The following CTIF variants were observed in gnomAD, a reference collection of about 807,000 sequenced individuals.
CTIF encodes CBP80/20-dependent translation initiation factor.
CTIF carries 21 observed loss-of-function variants against 66.0 expected under a neutral mutation model. That is an observed-to-expected ratio of 0.32 (90% CI 0.23 to 0.46). CTIF has a LOEUF of 0.46. CTIF is among the 20% of genes least tolerant of loss of function. The pLI is 1.00. For missense variants in CTIF, 739 were observed against 812.7 expected, an observed-to-expected ratio of 0.91 and a Z score of 1.10; for synonymous variants, 345 against 326.4, an observed-to-expected ratio of 1.06 and a Z score of -0.62.
intron 2 of CTIF, chr18:48,625,190 AG>A (rs1308937515): frequency 1.0e-6 from 1 of 984,286 alleles, no homozygotes; most frequent in African/African-American, 1.8e-5. Flanking sequence ...TGCTCACAGG[AG>A]GAAGTACTCA....
chr18:48,828,328 T>G (rs1279390770), intron 10 of CTIF, among the ~76,000 whole-genome samples: 1 of 152,212 alleles, frequency 6.6e-6, no homozygotes, highest in East Asian at 1.9e-4. Flanking sequence ...TTTGGGTATT[T>G]TCTCTGAAAT....
intron 7 of CTIF, among the ~76,000 whole-genome samples, chr18:48,715,682 A>G (rs1025398873): frequency 1.3e-5 from 2 of 152,212 alleles, no homozygotes; most frequent in Non-Finnish European, 2.9e-5. Context: ...TAAGAGATGA[A>G]CACATTAAGG....
chr18:48,606,430 C>A (rs896549902), intron 1 of CTIF, among the ~76,000 whole-genome samples: 7 of 152,238 alleles, frequency 4.6e-5, no homozygotes, highest in Non-Finnish European at 8.8e-5. Context: ...GGTGGTGATG[C>A]ATGCTCTGCC....
chr18:48,761,732 T>C lies in CTIF; in HGVS notation c.1371+43T>C. ...ACCACCGCCCCGCGCCCCCTGCCCC[T>C]CTGCGTTCGGTGAGTTATTCCTAGC... On this transcript the variant is annotated intron_variant, in intron 9 of 11. Transcript: ENST00000256413. This position sits in a 1 kb window ranked among gnomAD's most constrained non-coding sequence, Gnocchi z 4.2. The C allele has an allele frequency of 6.4e-7, 1 of 1,565,806 alleles. No homozygotes were observed. The highest frequency in any genetic ancestry group is 8.7e-7 in the Non-Finnish European group (1 of 1,148,696).
chr18:48,780,749 G>T (rs926350078), intron 9 of CTIF, among the ~76,000 whole-genome samples: 1 of 152,256 alleles, frequency 6.6e-6, no homozygotes, highest in African/African-American at 2.4e-5. Flanking sequence ...TGGGGAGCCA[G>T]TGGAATAAGG....
intron 1 of CTIF, among the ~76,000 whole-genome samples, chr18:48,584,177 G>T (rs758571289): frequency 2.6e-5 from 4 of 152,066 alleles, no homozygotes; most frequent in African/African-American, 4.8e-5. Context: ...CTCTAGGATG[G>T]ATATTTTTGA....
chr18:48,625,131 C>T (rs1244227580), intron 2 of CTIF: 8 of 739,540 alleles, frequency 1.1e-5, no homozygotes, highest in Admixed American at 6.3e-5. Context: ...TTCTAAAATC[C>T]CATCTCTTCA....
chr18:48,769,345 C>T (rs763187629), intron 9 of CTIF, among the ~76,000 whole-genome samples: 2 of 152,248 alleles, frequency 1.3e-5, no homozygotes, highest in Admixed American at 6.5e-5. Context: ...AAGCAAAGGG[C>T]CAGAGGCAGT....
chr18:48,820,433 G>A (rs1318998940), intron 10 of CTIF, among the ~76,000 whole-genome samples: 1 of 152,100 alleles, frequency 6.6e-6, no homozygotes, highest in Non-Finnish European at 1.5e-5. Flanking sequence ...TCCCCCTGGG[G>A]CCATGTAGAT....
At chr18:48,700,277 T>A (rs1025904017) in intron 6 of CTIF, among the ~76,000 whole-genome samples, 5 of 152,258 alleles carry the variant, frequency 3.3e-5, no homozygotes, top group Non-Finnish European at 7.3e-5. Context: ...GCCATAATTG[T>A]GAGGCCTCCC....
chr18:48,780,791 T>C (rs1261651895), intron 9 of CTIF, among the ~76,000 whole-genome samples: 1 of 152,180 alleles, frequency 6.6e-6, no homozygotes, highest in Admixed American at 6.5e-5. Flanking sequence ...CAGAGGCCAT[T>C]TCAGCATGAC....
At chr18:48,791,421 G>A (rs2067789666) in intron 9 of CTIF, among the ~76,000 whole-genome samples, 1 of 152,176 alleles carries the variant, frequency 6.6e-6, no homozygotes, top group Admixed American at 6.5e-5. Flanking sequence ...TAGACAGGCA[G>A]GGACACAGGC....
At chr18:48,545,029 G>A (rs1365441650) in intron 1 of CTIF, among the ~76,000 whole-genome samples, 5 of 152,222 alleles carry the variant, frequency 3.3e-5, no homozygotes, top group African/African-American at 1.2e-4. Flanking sequence ...TCAGATGTCA[G>A]GGAGGGCTTC....
intron 4 of CTIF, 69 bp from the exon 5 acceptor site, chr18:48,664,378 C>A (rs1205845125): frequency 1.5e-6 from 2 of 1,374,928 alleles, no homozygotes; most frequent in Non-Finnish European, 2.1e-6. Context: ...TCAGCCTGGC[C>A]CCCTGGTTCC....
chr18:48,635,241 C>G (rs1449587897), intron 2 of CTIF, among the ~76,000 whole-genome samples: 1 of 152,106 alleles, frequency 6.6e-6, no homozygotes, highest in Non-Finnish European at 1.5e-5. Context: ...GGCACACACT[C>G]ACAGCTCTGA....
At chr18:48,586,565 C>G (rs771492416) in intron 1 of CTIF, among the ~76,000 whole-genome samples, 9 of 152,308 alleles carry the variant, frequency 5.9e-5, no homozygotes, top group Non-Finnish European at 1.2e-4. Flanking sequence ...GCCACCACGC[C>G]CGGCCTTAAA....
At chr18:48,713,667 C>G (rs1174132468) in intron 7 of CTIF, among the ~76,000 whole-genome samples, 1 of 152,030 alleles carries the variant, frequency 6.6e-6, no homozygotes, top group Admixed American at 6.6e-5. Context: ...GGGCTGGGGC[C>G]AGGGAAGAGG....
At chr18:48,703,978 T>C (rs913826569) in intron 6 of CTIF, among the ~76,000 whole-genome samples, 10 of 152,132 alleles carry the variant, frequency 6.6e-5, no homozygotes, top group Non-Finnish European at 1.0e-4. Context: ...GCTCTCCCAC[T>C]TCTGGGCCTG....
intron 1 of CTIF, among the ~76,000 whole-genome samples, chr18:48,553,422 G>T (rs1380900167): frequency 6.6e-6 from 1 of 152,114 alleles, no homozygotes. Flanking sequence ...TTGCCTTTAG[G>T]CCCAGGTGGC....
Sources: gnomAD v4.1 joint callset for allele counts (sites outside exome capture counted in the v4.1 genomes callset) on GRCh38, gnomAD v4.1.1 for gene constraint, Gnocchi (gnomAD v3.1) non-coding constraint, MANE v1.5 for transcripts, NCBI Gene and HGNC (gene_info 2026-07-23, HGNC 2026-07-21) for gene names.